Variants in CELSR1 observed in about 807,000 individuals in gnomAD.
The protein encoded by CELSR1 is adhesion G protein-coupled receptor C1.
Under a neutral mutation model 249.1 loss-of-function variants are expected in CELSR1, and 110 were observed. That is an observed-to-expected ratio of 0.44 (90% CI 0.38 to 0.52). CELSR1 has a LOEUF of 0.52. Ranked by LOEUF, CELSR1 falls within the 20% of genes least tolerant of loss-of-function variation. The probability of loss-of-function intolerance (pLI) is 0.00; values close to 1 mark genes in which losing one functional copy is unlikely to be tolerated. For missense variants in CELSR1, 4,109 were observed against 4,296.4 expected (o/e 0.96, Z 1.22); for synonymous variants, 2,113 against 1,900.0 (o/e 1.11, Z -2.92).
intron 31 of CELSR1, 89 bp downstream of exon 31, chr22:46,365,497 T>C: frequency 6.5e-7 from 1 of 1,542,550 alleles, no homozygotes; most frequent in Non-Finnish European, 8.8e-7. Context: ...GCGAGGCTGC[T>C]AGTGCTTCTT....
Position 46,436,615 on chromosome 22 carries a change from G to A in CELSR1, c.4407-326C>T, listed in dbSNP as rs149553245. On this transcript the variant is annotated intron_variant, in intron 3 of 34. Coordinates refer to ENST00000674500, the MANE Select transcript of CELSR1 (RefSeq NM_001378328.1). The surrounding 1 kb of genome is among the most constrained non-coding windows in gnomAD (Gnocchi z 5.9). ...TTACTGATGTGTTTGGGCAAAGCAC[G>A]TGCTGTACATTTTCTGCTGCTGTGA... Among the ~76,000 whole-genome samples, 196 of 152,280 alleles carry A rather than the reference G, an allele frequency of 1.3e-3. 1 individual carries two copies. Among genetic ancestry groups the A allele is most frequent in the Admixed American group, 2.2e-3 (33 of 15,284 alleles).
At chr22:46,462,785 G>A in intron 2 of CELSR1, 1 of 350,930 alleles carries the variant, frequency 2.8e-6, no homozygotes, top group South Asian at 2.2e-5. Context: ...GTGTGTTTCT[G>A]TACCGCTCTC....
At position 46,490,129 on chromosome 22, in the gene CELSR1, C is replaced by T. The variant is rs1343423572; in HGVS notation, c.3545-25784G>A. On this transcript the variant is annotated intron_variant, in intron 1 of 34. Coordinates refer to ENST00000674500, the MANE Select transcript of CELSR1 (RefSeq NM_001378328.1). This position sits in a 1 kb window ranked among gnomAD's most constrained non-coding sequence, Gnocchi z 5.2. ...TCCCAAGTGCAAAGTGTACACATGT[C>T]GACATGGCACTTCTACCTGGAGTGC... Among the ~76,000 whole-genome samples the T allele has an allele frequency of 2.6e-5, 4 of 152,106 alleles. No individual in the cohort carries two copies. The highest frequency in any genetic ancestry group is 4.4e-5 in the Non-Finnish European group (3 of 68,018).
At chr22:46,494,557 G>A (rs1169096578) in intron 1 of CELSR1, among the ~76,000 whole-genome samples, 1 of 152,098 alleles carries the variant, frequency 6.6e-6, no homozygotes, top group Non-Finnish European at 1.5e-5. Context: ...TGCCCAGGCT[G>A]GAATGCAATG....
chr22:46,454,206 AG>A lies in CELSR1; in HGVS notation c.4183+9500del, dbSNP rs917041193. ...CTCCAGCAGCTGAGGAAGGCAGAGC[AG>A]GAGGCCCTCCCCAGGGCCTCCCGGA... On this transcript the variant is annotated intron_variant, in intron 2 of 34. Transcript: ENST00000674500. This position sits in a 1 kb window ranked among gnomAD's most constrained non-coding sequence, Gnocchi z 5.1. Among the ~76,000 whole-genome samples, 6 of 152,180 alleles carry A rather than the reference AG, an allele frequency of 3.9e-5. No individual in the cohort carries two copies. The highest frequency in any genetic ancestry group is 1.4e-4 in the African/African-American group (6 of 41,442).
chr22:46,489,331 T>C (rs1241631535), intron 1 of CELSR1, among the ~76,000 whole-genome samples: 6 of 151,724 alleles, frequency 4.0e-5, no homozygotes, highest in East Asian at 1.9e-4. Flanking sequence ...CTTTTGACTA[T>C]TAACCCACCC....
chr22:46,534,319 C>A lies in CELSR1; in HGVS notation c.2852G>T (p.Arg951Leu). 3 of 1,613,062 alleles carry A rather than the reference C, an allele frequency of 1.9e-6. No individual in the cohort carries two copies. Among genetic ancestry groups the A allele is most frequent in the Non-Finnish European group, 2.5e-6 (3 of 1,180,026 alleles). Residue 951 changes from arginine (R) to leucine (L), a missense_variant, in exon 1 of 35, where the codon CGC becomes CTC. Physicochemically the swap from Arg to Leu is moderately radical, Grantham distance 102. This residue lies in a region of CELSR1 where 886 missense variants were observed against 896.5 expected (regional missense o/e 0.99). Coordinates refer to ENST00000674500, the MANE Select transcript of CELSR1 (RefSeq NM_001378328.1). This position sits in a 1 kb window ranked among gnomAD's most constrained non-coding sequence, Gnocchi z 9.7. Reference sequence around the variant, plus strand: ...CTCCCGGTCCAGCCGGCGCTGGGTGCGAATCACACCGGACGTGGGCTCGAT... The same window carrying A: ...CTCCCGGTCCAGCCGGCGCTGGGTGAGAATCACACCGGACGTGGGCTCGAT... Reference protein sequence around the residue: ...FYIEPTSGVIRTQRRLDRENV... With the variant: ...FYIEPTSGVILTQRRLDRENV...
At position 46,526,326 on chromosome 22, in the gene CELSR1, G is replaced by A. The variant is rs1397718765; in HGVS notation, c.3544+7301C>T. 1.3e-5 allele frequency among the ~76,000 whole-genome samples: 2 copies of A among 152,316 alleles called. No individual in the cohort carries two copies. The highest frequency in any genetic ancestry group is 3.9e-4 in the East Asian group (2 of 5,178). The stretch of plus-strand genomic sequence containing the variant: ...CTCCCAAAGCCCCTGAGACGGGCCA[G>A]TGCCACGCTAGGCTGCAGGACAGCT... On this transcript the variant is annotated intron_variant, in intron 1 of 34. Transcript: ENST00000674500. The surrounding 1 kb of genome is among the most constrained non-coding windows in gnomAD (Gnocchi z 4.7).
chr22:46,523,303 C>T (rs1043164183), intron 1 of CELSR1, among the ~76,000 whole-genome samples: 8 of 152,092 alleles, frequency 5.3e-5, no homozygotes, highest in Non-Finnish European at 1.0e-4. Context: ...CCAAGGCGGA[C>T]GGTTCAGCTG....
intron 24 of CELSR1, among the ~76,000 whole-genome samples, chr22:46,373,703 T>TGGGGGAGAA (rs1569111446): frequency 3.2e-4 from 7 of 22,144 alleles, no homozygotes; most frequent in African/African-American, 1.0e-3. Flanking sequence ...AAGGGGGAGA[T>TGGGGGAGAA]GGGGGAGATG....
chr22:46,387,645 G>A (rs535142253), intron 18 of CELSR1, among the ~76,000 whole-genome samples: 8 of 152,114 alleles, frequency 5.3e-5, no homozygotes, highest in African/African-American at 1.9e-4. Context: ...AGGCGTGAGC[G>A]ACCGCGCCCG....
intron 2 of CELSR1, among the ~76,000 whole-genome samples, chr22:46,443,189 A>G (rs758812388): frequency 6.6e-6 from 1 of 152,210 alleles, no homozygotes; most frequent in Non-Finnish European, 1.5e-5. Context: ...AGGAGGGCTG[A>G]AATCGCTGAC....
intron 33 of CELSR1, 112 bp from the exon 34 acceptor site, chr22:46,364,363 G>A (rs904122809): frequency 2.1e-5 from 32 of 1,522,190 alleles, no homozygotes; most frequent in Admixed American, 1.4e-4. Context: ...CTGGTTCCCC[G>A]GGTCCCAGGG....
intron 1 of CELSR1, among the ~76,000 whole-genome samples, chr22:46,519,557 C>G (rs1185557366): frequency 6.6e-6 from 1 of 152,244 alleles, no homozygotes; most frequent in East Asian, 1.9e-4. Flanking sequence ...TAGAACCAGG[C>G]AGAGCCTGGG....
intron 28 of CELSR1, among the ~76,000 whole-genome samples, chr22:46,367,524 C>T (rs1019690047): frequency 2.0e-5 from 3 of 152,234 alleles, no homozygotes; most frequent in African/African-American, 7.2e-5. Context: ...GCACTAGGGT[C>T]ATCGTCCCCA....
In CELSR1 at chr22:46,398,746, C is replaced by T; in HGVS notation, c.5413-109G>A. The T allele has an allele frequency of 2.5e-6, 2 of 805,860 alleles. 1 individual carries two copies. Among genetic ancestry groups the T allele is most frequent in the South Asian group, 3.7e-5 (2 of 53,480 alleles). The allele number at this position is 805,860 out of a possible 1,614,324, so 49.9% of individuals were successfully genotyped here. On this transcript the variant is annotated intron_variant, in intron 10 of 34. Transcript: ENST00000674500. This position sits in a 1 kb window ranked among gnomAD's most constrained non-coding sequence, Gnocchi z 7.2. ...GTCTAAACAGTCACTTCAACAAACTCCGCAGAGCCTGAGGACATCTGGGCC... is the reference window on the plus strand; with the variant it reads ...GTCTAAACAGTCACTTCAACAAACTTCGCAGAGCCTGAGGACATCTGGGCC...
intron 1 of CELSR1, among the ~76,000 whole-genome samples, chr22:46,532,676 A>G (rs1438178456): frequency 6.6e-6 from 1 of 152,160 alleles, no homozygotes; most frequent in Non-Finnish European, 1.5e-5. Context: ...GCTTATAAAT[A>G]AGGTCACCTG....
Position 46,417,838 on chromosome 22 carries a change from T to C in CELSR1, c.4612-6079A>G, listed in dbSNP as rs557458613. On this transcript the variant is annotated intron_variant, in intron 5 of 34. Coordinates refer to ENST00000674500, the MANE Select transcript of CELSR1 (RefSeq NM_001378328.1). This position sits in a 1 kb window ranked among gnomAD's most constrained non-coding sequence, Gnocchi z 4.1. The stretch of plus-strand genomic sequence containing the variant: ...TGAGCTGGCGTGGCTGATATTACTA[T>C]CATCCTCATTCTCAACTCAGAGTCC... Among the ~76,000 whole-genome samples the C allele has an allele frequency of 3.4e-4, 51 of 152,228 alleles. No individual in the cohort carries two copies. The highest frequency in any genetic ancestry group is 5.4e-4 in the Non-Finnish European group (37 of 68,040).
rs1387591608 is a variant in CELSR1, at chr22:46,537,243, G to C, written c.-73C>G. ...CCCGGCGCGCCTCCGCATCCACCCG[G>C]CGAGGCCGGGGAGCGGCTCCCGGGC... On this transcript the variant is annotated 5_prime_UTR_variant, in exon 1 of 35. Transcript: ENST00000674500. The surrounding 1 kb of genome is among the most constrained non-coding windows in gnomAD (Gnocchi z 5.8). 9 of 1,011,944 alleles carry C rather than the reference G, an allele frequency of 8.9e-6. No individual in the cohort carries two copies. Among genetic ancestry groups the C allele is most frequent in the Non-Finnish European group, 9.4e-6 (8 of 848,468 alleles). The allele number at this position is 1,011,944 out of a possible 1,614,324, so 62.7% of individuals were successfully genotyped here.
Sources: allele counts gnomAD v4.1 joint callset (sites outside exome capture counted in the v4.1 genomes callset), GRCh38; gene constraint gnomAD v4.1.1; regional missense constraint gnomAD v4.1.1; non-coding constraint Gnocchi (gnomAD v3.1); transcripts MANE v1.5; gene names NCBI Gene and HGNC (gene_info 2026-07-23, HGNC 2026-07-21).